The following DSCAML1 variants were observed in gnomAD, a reference collection of about 807,000 sequenced individuals.
The protein encoded by DSCAML1 is DS cell adhesion molecule like 1, also known as cell adhesion molecule DSCAML1.
Under a neutral mutation model 200.5 loss-of-function variants are expected in DSCAML1, and 38 were observed. That is an observed-to-expected ratio of 0.19 (90% CI 0.15 to 0.25). The LOEUF is 0.25. Ranked by LOEUF, DSCAML1 falls within the 10% of genes least tolerant of loss-of-function variation. The pLI is 1.00. For missense variants in DSCAML1, 2,223 were observed against 2,858.8 expected, an observed-to-expected ratio of 0.78 and a Z score of 5.07; for synonymous variants, 1,215 against 1,165.0, an observed-to-expected ratio of 1.04 and a Z score of -0.87.
At chr11:117,465,800 A>G (rs1229873237) in intron 16 of DSCAML1, among the ~76,000 whole-genome samples, 1 of 152,176 alleles carries the variant, frequency 6.6e-6, no homozygotes, top group Non-Finnish European at 1.5e-5. Flanking sequence ...ATCATTTGGC[A>G]TGGGTTCAGG....
At chr11:117,428,869 C>T in intron 32 of DSCAML1, 66 bp from the exon 33 acceptor site, 1 of 1,420,004 alleles carries the variant, frequency 7.0e-7, no homozygotes, top group Non-Finnish European at 9.5e-7. Context: ...TCGTTCAGCC[C>T]CCACCCCATC....
At chr11:117,784,711 C>G (rs1251960150) in intron 1 of DSCAML1, among the ~76,000 whole-genome samples, 1 of 152,204 alleles carries the variant, frequency 6.6e-6, no homozygotes, top group Admixed American at 6.5e-5. Flanking sequence ...ACTACCTCCC[C>G]TCTGGGTGCT....
At chr11:117,646,027 T>C (rs2052515024) in intron 3 of DSCAML1, among the ~76,000 whole-genome samples, 1 of 152,222 alleles carries the variant, frequency 6.6e-6, no homozygotes, top group Non-Finnish European at 1.5e-5. Flanking sequence ...AGCTGCGATA[T>C]GGTTAGCTGA....
chr11:117,777,472 C>T (rs774370440), intron 2 of DSCAML1, among the ~76,000 whole-genome samples: 10 of 152,160 alleles, frequency 6.6e-5, no homozygotes, highest in African/African-American at 9.7e-5. Context: ...GAGTTTTGGG[C>T]TCCTTCAACA....
intron 3 of DSCAML1, among the ~76,000 whole-genome samples, chr11:117,542,297 AAAAAC>A (rs71037484): frequency 0.38 from 52,635 of 140,312 alleles, 9,985 homozygotes; most frequent in African/African-American, 0.43. Context: ...TCCCTATCAA[AAAAAC>A]AAAACAAAAC....
At chr11:117,695,309 C>CTTTTTTTTTTT (rs1220241169) in intron 3 of DSCAML1, among the ~76,000 whole-genome samples, 1 of 122,644 alleles carries the variant, frequency 8.2e-6, no homozygotes, top group African/African-American at 3.2e-5. Flanking sequence ...TTCTTTCTTT[C>CTTTTTTTTTTT]TTTTTCTTTT....
At chr11:117,602,604 G>C (rs578083073) in intron 3 of DSCAML1, among the ~76,000 whole-genome samples, 4 of 151,992 alleles carry the variant, frequency 2.6e-5, no homozygotes, top group Non-Finnish European at 5.9e-5. Context: ...CAAGTGATCT[G>C]CCTGCCTCAG....
At chr11:117,435,609 C>A in intron 27 of DSCAML1, 35 bp downstream of exon 27, 1 of 1,560,766 alleles carries the variant, frequency 6.4e-7, no homozygotes, top group Non-Finnish European at 8.7e-7. Context: ...AGAGCCAACA[C>A]CCCCTCCTGG....
rs998134892 is a variant in DSCAML1, at chr11:117,773,423, AG to A, written c.511+3367del. 5.9e-5 allele frequency among the ~76,000 whole-genome samples: 9 copies of A among 152,154 alleles called. 1 individual carries two copies. The East Asian group carries it at 1.7e-3, about 29-fold the overall frequency. ...CCGGAAGCTGATCCTGAAGTGTCAGAGGGAAGTATCCCTGGCTCTTCCATCC... is the reference window on the plus strand; with the variant it reads ...CCGGAAGCTGATCCTGAAGTGTCAGAGGAAGTATCCCTGGCTCTTCCATCC... On this transcript the variant is annotated intron_variant, in intron 3 of 32. Coordinates refer to ENST00000651296, the MANE Select transcript of DSCAML1 (RefSeq NM_020693.4).
At chr11:117,764,024 G>A (rs933976931) in intron 3 of DSCAML1, among the ~76,000 whole-genome samples, 1 of 152,162 alleles carries the variant, frequency 6.6e-6, no homozygotes, top group Non-Finnish European at 1.5e-5. Context: ...ACTCTTGTGT[G>A]TTGTGTTGTT....
chr11:117,720,300 C>G (rs1488586734), intron 3 of DSCAML1, among the ~76,000 whole-genome samples: 1 of 152,200 alleles, frequency 6.6e-6, no homozygotes, highest in African/African-American at 2.4e-5. Context: ...TCAGGAACTT[C>G]TAATTAAGGC....
chr11:117,452,169 C>T (rs189522353), intron 19 of DSCAML1, among the ~76,000 whole-genome samples: 51 of 152,322 alleles, frequency 3.3e-4, no homozygotes, highest in Admixed American at 8.5e-4. Context: ...AAATCTCTAT[C>T]CTTGCATACT....
intron 3 of DSCAML1, among the ~76,000 whole-genome samples, chr11:117,722,871 A>G (rs150055826): frequency 6.6e-6 from 1 of 152,244 alleles, no homozygotes; most frequent in African/African-American, 2.4e-5. Flanking sequence ...AGTAGTTCCC[A>G]CATATTCCTA....
chr11:117,585,490 G>A (rs1313299257), intron 3 of DSCAML1, among the ~76,000 whole-genome samples: 1 of 152,114 alleles, frequency 6.6e-6, no homozygotes, highest in Non-Finnish European at 1.5e-5. Flanking sequence ...CTTGTGATCC[G>A]CCCACCTCGG....
chr11:117,726,260 TGTGTGC>T (rs1273585123), intron 3 of DSCAML1, among the ~76,000 whole-genome samples: 1 of 143,686 alleles, frequency 7.0e-6, no homozygotes, highest in South Asian at 2.2e-4. Context: ...TCTGTGTGTG[TGTGTGC>T]GTGTGTGTGT....
chr11:117,603,786 A>G (rs1331030196), intron 3 of DSCAML1, among the ~76,000 whole-genome samples: 2 of 152,248 alleles, frequency 1.3e-5, no homozygotes, highest in Non-Finnish European at 2.9e-5. Flanking sequence ...TAAAAGCAGA[A>G]AGAAAAAGGG....
At chr11:117,708,029 G>T (rs1001554023) in intron 3 of DSCAML1, among the ~76,000 whole-genome samples, 1 of 152,168 alleles carries the variant, frequency 6.6e-6, no homozygotes, top group African/African-American at 2.4e-5. Context: ...AGTGAAGCTA[G>T]CTGCAACTAG....
At chr11:117,813,133 A>C (rs2055774896) in intron 1 of DSCAML1, among the ~76,000 whole-genome samples, 1 of 152,108 alleles carries the variant, frequency 6.6e-6, no homozygotes, top group South Asian at 2.1e-4. Flanking sequence ...TTAAAAACAC[A>C]CCTCACCAAG....
intron 1 of DSCAML1, among the ~76,000 whole-genome samples, chr11:117,786,496 G>A (rs942197924): frequency 1.3e-5 from 2 of 152,104 alleles, no homozygotes; most frequent in African/African-American, 2.4e-5. Flanking sequence ...TCACTCGCTC[G>A]CCCTCCACCG....
Sources: gnomAD v4.1 joint callset for allele counts (sites outside exome capture counted in the v4.1 genomes callset) on GRCh38, gnomAD v4.1.1 for gene constraint, MANE v1.5 for transcripts, NCBI Gene and HGNC (gene_info 2026-07-23, HGNC 2026-07-21) for gene names.